Variants in GCH1 observed in about 807,000 individuals in gnomAD.
GCH1 encodes GTP cyclohydrolase I.
In GCH1, 5 loss-of-function variants were observed where a neutral mutation model predicts 25.9. That is an observed-to-expected ratio of 0.19 (90% CI 0.10 to 0.41). The LOEUF is 0.41. Ranked by LOEUF, GCH1 falls within the 10% of genes least tolerant of loss-of-function variation. The probability of loss-of-function intolerance (pLI) is 1.00; values close to 1 mark genes in which losing one functional copy is unlikely to be tolerated. For missense variants in GCH1, 261 were observed against 336.5 expected (o/e 0.78, Z 1.75); for synonymous variants, 159 against 129.6 (o/e 1.23, Z -1.54).
chr14:54,851,811 G>A (rs1168594967), intron 3 of GCH1, among the ~76,000 whole-genome samples: 1 of 152,236 alleles, frequency 6.6e-6, no homozygotes, highest in Non-Finnish European at 1.5e-5. Flanking sequence ...GGAAGACGGT[G>A]TGGCGATTCC....
In GCH1 at chr14:54,843,331, A is replaced by G. The variant is rs1222851397; in HGVS notation, c.*686T>C. ...GAGAGTTAAATGTCTAAATCCCTGT[A>G]TGTTGACACGAGAATACACTCGTAA... On this transcript the variant is annotated 3_prime_UTR_variant, in exon 6 of 6. Transcript: ENST00000491895. 1 of 1,304,328 alleles carries G rather than the reference A, an allele frequency of 7.7e-7. No homozygotes were observed. The highest frequency in any genetic ancestry group is 1.5e-5 in the African/African-American group (1 of 66,226). 80.8% of individuals were successfully genotyped at this position (1,304,328 alleles called of 1,614,324 possible).
intron 3 of GCH1, among the ~76,000 whole-genome samples, chr14:54,852,939 T>C (rs951603108): frequency 6.6e-6 from 1 of 152,186 alleles, no homozygotes; most frequent in Non-Finnish European, 1.5e-5. Flanking sequence ...CCTGCAAGGA[T>C]ACCTCTATGG....
At chr14:54,874,336 C>T (rs1259489650) in intron 1 of GCH1, among the ~76,000 whole-genome samples, 2 of 152,166 alleles carry the variant, frequency 1.3e-5, no homozygotes, top group Admixed American at 6.5e-5. Flanking sequence ...ATTGATGGGA[C>T]ATATCTCAAA....
chr14:54,885,518 C>T, intron 1 of GCH1: 2 of 328,382 alleles, frequency 6.1e-6, no homozygotes, highest in Non-Finnish European at 1.2e-5. Context: ...TCCAAACCTA[C>T]ACCTGGCTTC....
At chr14:54,856,929 A>G (rs1192901028) in intron 3 of GCH1, among the ~76,000 whole-genome samples, 3 of 152,178 alleles carry the variant, frequency 2.0e-5, no homozygotes, top group Non-Finnish European at 4.4e-5. Context: ...ATTTGACTTC[A>G]CTGGCACTGA....
chr14:54,902,684 C>T lies in GCH1; in HGVS notation c.-21G>A, dbSNP rs1292011356. 7.0e-7 allele frequency: 1 copy of T among 1,435,398 alleles called. No individual in the cohort carries two copies. Among genetic ancestry groups the T allele is most frequent in the Non-Finnish European group, 9.1e-7 (1 of 1,101,024 alleles). The allele number at this position is 1,435,398 out of a possible 1,614,324, so 88.9% of individuals were successfully genotyped here. A position where few individuals can be genotyped will look rare whatever the true frequency, so the allele number is the denominator to read the frequency against. On this transcript the variant is annotated 5_prime_UTR_variant, in exon 1 of 6. Transcript: ENST00000491895. ...TCCATGGACCCGCCGCAGCCGCTGC[C>T]GTTCGGGAAGGACCCCGGGGCGCTT...
chr14:54,890,477 A>G (rs1171621980), intron 1 of GCH1, among the ~76,000 whole-genome samples: 1 of 152,154 alleles, frequency 6.6e-6, no homozygotes, highest in Non-Finnish European at 1.5e-5. Flanking sequence ...CAGCCTGGGC[A>G]ACAAGAGCAA....
At chr14:54,845,704 A>G (rs1463993373) in intron 5 of GCH1, 64 bp downstream of exon 5, 1 of 880,384 alleles carries the variant, frequency 1.1e-6, no homozygotes, top group Non-Finnish European at 2.0e-6. Context: ...TATGAGAAGC[A>G]CTAAATAGCA....
At chr14:54,861,584 G>A (rs1377307550) in intron 2 of GCH1, among the ~76,000 whole-genome samples, 4 of 151,968 alleles carry the variant, frequency 2.6e-5, no homozygotes, top group South Asian at 2.1e-4. Flanking sequence ...TTAGCCAGGC[G>A]TGGTGGCGGG....
At chr14:54,847,730 A>G (rs550484081) in intron 3 of GCH1, among the ~76,000 whole-genome samples, 49 of 152,186 alleles carry the variant, frequency 3.2e-4, no homozygotes, top group African/African-American at 1.0e-3. Flanking sequence ...AATACAGAAG[A>G]CCACCAACCA....
At chr14:54,884,365 T>G (rs185676492) in intron 1 of GCH1, among the ~76,000 whole-genome samples, 64 of 152,222 alleles carry the variant, frequency 4.2e-4, no homozygotes, top group South Asian at 1.2e-3. Flanking sequence ...AAATAAGATA[T>G]GGAAGTGGGA....
chr14:54,857,585 C>T lies in GCH1; in HGVS notation c.509+2096G>A, dbSNP rs1208445307. On this transcript the variant is annotated intron_variant, in intron 3 of 5. Coordinates refer to ENST00000491895, the MANE Select transcript of GCH1 (RefSeq NM_000161.3). The stretch of plus-strand genomic sequence containing the variant: ...GGTATAGGGTTAGCAATCTTGCTGA[C>T]AGGGAGGCCCAGGGGACTGGGCCTA... Among the ~76,000 whole-genome samples the T allele has an allele frequency of 2.6e-5, 4 of 152,342 alleles. No homozygotes were observed. In the East Asian group the frequency reaches 5.8e-4, roughly 22 times the overall value.
chr14:54,843,010 C>G lies in GCH1; in HGVS notation c.*1007G>C. 1.2e-6 allele frequency: 1 copy of G among 811,360 alleles called. No homozygotes were observed. Among genetic ancestry groups the G allele is most frequent in the Non-Finnish European group, 2.2e-6 (1 of 449,244 alleles). 50.3% of individuals were successfully genotyped at this position (811,360 alleles called of 1,614,324 possible). Reference sequence around the variant, plus strand: ...CTCATAATGTCTTCCACCGTCAGTTCATTCTGTGCTCGTTCAGGTGCGTGG... The same window carrying G: ...CTCATAATGTCTTCCACCGTCAGTTGATTCTGTGCTCGTTCAGGTGCGTGG... On this transcript the variant is annotated 3_prime_UTR_variant, in exon 6 of 6. Transcript: ENST00000491895.
At chr14:54,848,615 C>T (rs1415986483) in intron 3 of GCH1, among the ~76,000 whole-genome samples, 1 of 152,092 alleles carries the variant, frequency 6.6e-6, no homozygotes, top group Non-Finnish European at 1.5e-5. Context: ...CCTGGCTCTT[C>T]CCCCAACTAC....
At chr14:54,881,130 A>G (rs560420167) in intron 1 of GCH1, among the ~76,000 whole-genome samples, 1 of 151,970 alleles carries the variant, frequency 6.6e-6, no homozygotes, top group Non-Finnish European at 1.5e-5. Context: ...AGGCCAATAA[A>G]AATATTTTTT....
intron 1 of GCH1, among the ~76,000 whole-genome samples, chr14:54,879,298 G>A (rs534013594): frequency 7.2e-5 from 11 of 152,038 alleles, no homozygotes; most frequent in South Asian, 2.1e-4. Flanking sequence ...CCATGCACCC[G>A]TAGTCCCAGC....
intron 1 of GCH1, among the ~76,000 whole-genome samples, chr14:54,893,537 T>C (rs2040449661): frequency 6.6e-6 from 1 of 152,138 alleles, no homozygotes; most frequent in Non-Finnish European, 1.5e-5. Flanking sequence ...GAGAAATCAT[T>C]CAAATAAATC....
At chr14:54,868,822 G>C (rs955704042) in intron 1 of GCH1, among the ~76,000 whole-genome samples, 7 of 151,904 alleles carry the variant, frequency 4.6e-5, no homozygotes, top group Non-Finnish European at 8.8e-5. Context: ...GGATGGTCTC[G>C]ATCTCCTGAC....
At chr14:54,864,419 C>A (rs1339224886) in intron 2 of GCH1, among the ~76,000 whole-genome samples, 3 of 152,052 alleles carry the variant, frequency 2.0e-5, no homozygotes, top group Non-Finnish European at 2.9e-5. Context: ...GGAAATGGGA[C>A]AACTCTTTGT....
Sources: allele counts gnomAD v4.1 joint callset (sites outside exome capture counted in the v4.1 genomes callset), GRCh38; gene constraint gnomAD v4.1.1; transcripts MANE v1.5; gene names NCBI Gene and HGNC (gene_info 2026-07-23, HGNC 2026-07-21).